Variants in MEI1 observed in about 807,000 individuals in gnomAD.
MEI1 encodes meiosis inhibitor protein 1.
MEI1 carries 103 observed loss-of-function variants against 146.2 expected under a neutral mutation model. That is an observed-to-expected ratio of 0.70 (90% CI 0.60 to 0.83). The LOEUF is 0.83. Ranked by LOEUF, MEI1 falls within the 40% of genes least tolerant of loss-of-function variation. The probability of loss-of-function intolerance (pLI) is 0.00; values close to 1 mark genes in which losing one functional copy is unlikely to be tolerated. For synonymous variants in MEI1, 652 were observed against 628.2 expected, an observed-to-expected ratio of 1.04 and a Z score of -0.57; for missense variants, 1,529 against 1,533.0, an observed-to-expected ratio of 1.00 and a Z score of 0.04.
In MEI1 at chr22:41,758,444, G is replaced by C. The variant is rs752945538; in HGVS notation, c.2031G>C (p.Leu677=). The C allele has an allele frequency of 6.2e-7, 1 of 1,613,830 alleles. No individual in the cohort carries two copies. Among genetic ancestry groups the C allele is most frequent in the Non-Finnish European group, 8.5e-7 (1 of 1,179,886 alleles). Residue 677 remains leucine, a synonymous_variant, in exon 18 of 31, where the codon CTG becomes CTC. Coordinates refer to ENST00000401548, the MANE Select transcript of MEI1 (RefSeq NM_152513.4). Reference sequence around the variant, plus strand: ...GGAGCCCTGAAAGCCTTGCCTTCCTGTCTGATCGCCAGTACATGGAGGGAG... The same window carrying C: ...GGAGCCCTGAAAGCCTTGCCTTCCTCTCTGATCGCCAGTACATGGAGGGAG... The part of the protein sequence containing the change: ...SSRSPESLAF[L]SDRQYMEGAA...
At chr22:41,768,292 G>C (rs1459371435) in intron 19 of MEI1, among the ~76,000 whole-genome samples, 1 of 151,620 alleles carries the variant, frequency 6.6e-6, no homozygotes, top group Non-Finnish European at 1.5e-5. Context: ...TGAGGCAGGA[G>C]AATTGCTTGA....
intron 22 of MEI1, among the ~76,000 whole-genome samples, chr22:41,780,452 A>G (rs1421293278): frequency 2.6e-5 from 4 of 152,096 alleles, no homozygotes; most frequent in East Asian, 1.9e-4. Flanking sequence ...GATATGTTCT[A>G]TAGATATCTA....
intron 24 of MEI1, among the ~76,000 whole-genome samples, chr22:41,783,547 A>G (rs1268907910): frequency 6.6e-6 from 1 of 152,044 alleles, no homozygotes; most frequent in Admixed American, 6.6e-5. Flanking sequence ...CCACCTCAGC[A>G]TCCCGAAGTG....
Position 41,717,840 on chromosome 22 carries a change from T to A in MEI1, c.530-231T>A, listed in dbSNP as rs555751208. Among the ~76,000 whole-genome samples, 10 of 152,256 alleles carry A rather than the reference T, an allele frequency of 6.6e-5. No individual in the cohort carries two copies. The South Asian group carries it at 2.1e-3, about 32-fold the overall frequency. On this transcript the variant is annotated intron_variant, in intron 5 of 30. Coordinates refer to ENST00000401548, the MANE Select transcript of MEI1 (RefSeq NM_152513.4). ...CTTGTTGGCCAGGCTGGTCTCGAAC[T>A]CCTGACCTTAGGTGATCCTTCTGCC... is the stretch of plus-strand genomic sequence containing the variant.
Position 41,758,569 on chromosome 22 carries a change from T to A in MEI1, c.2120+36T>A, listed in dbSNP as rs760890307. The A allele has an allele frequency of 3.5e-5, 55 of 1,585,412 alleles. No homozygotes were observed. In the Middle Eastern group the frequency reaches 5.4e-4, roughly 16 times the overall value. On this transcript the variant is annotated intron_variant, in intron 18 of 30. Transcript: ENST00000401548. ...AGAGGTGGGTGGCTGGTGGTGGGTCTTGGGACCTTCATCAGCAGTTCAGTT... is the reference window on the plus strand; with the variant it reads ...AGAGGTGGGTGGCTGGTGGTGGGTCATGGGACCTTCATCAGCAGTTCAGTT...
At chr22:41,794,926 A>G (rs918784492) in intron 28 of MEI1, among the ~76,000 whole-genome samples, 1 of 152,240 alleles carries the variant, frequency 6.6e-6, no homozygotes. Context: ...CCTAAGAATG[A>G]CAGCGAAGTG....
At chr22:41,759,940 G>A (rs112743110) in intron 18 of MEI1, among the ~76,000 whole-genome samples, 10,105 of 152,156 alleles carry the variant, frequency 0.066, 1,077 homozygotes, top group African/African-American at 0.23. Context: ...TTGGGAGGCC[G>A]AGGCGGGTGG....
intron 2 of MEI1, among the ~76,000 whole-genome samples, chr22:41,704,194 T>G (rs1052610475): frequency 3.3e-5 from 5 of 152,206 alleles, no homozygotes; most frequent in Non-Finnish European, 7.3e-5. Flanking sequence ...ATGAGCCCTT[T>G]CAGGGAGGAA....
At chr22:41,705,407 G>C in intron 2 of MEI1, 97 bp from the exon 3 acceptor site, 1 of 995,418 alleles carries the variant, frequency 1.0e-6, no homozygotes, top group South Asian at 1.3e-5. Context: ...CCTGACCTCA[G>C]GTAATCTGCC....
chr22:41,792,348 G>A (rs557610119), intron 26 of MEI1, among the ~76,000 whole-genome samples: 8 of 152,300 alleles, frequency 5.3e-5, no homozygotes, highest in African/African-American at 1.9e-4. Flanking sequence ...GGAAGGTACA[G>A]TATCTAGAGT....
intron 26 of MEI1, among the ~76,000 whole-genome samples, chr22:41,789,926 T>C (rs2076117378): frequency 6.6e-6 from 1 of 152,148 alleles, no homozygotes; most frequent in Non-Finnish European, 1.5e-5. Flanking sequence ...CAAGTAGGCT[T>C]TTCCTCTTTT....
chr22:41,770,144 A>C (rs2075092761), intron 19 of MEI1, among the ~76,000 whole-genome samples: 2 of 151,898 alleles, frequency 1.3e-5, no homozygotes, highest in South Asian at 2.1e-4. Flanking sequence ...CAGAAAAAAA[A>C]AAAGAAATTA....
intron 14 of MEI1, 133 bp from the exon 15 acceptor site, chr22:41,747,974 C>G: frequency 1.5e-6 from 1 of 652,696 alleles, no homozygotes; most frequent in Non-Finnish European, 2.8e-6. Context: ...TAGGTTTGGA[C>G]TTTAAGTTCC....
intron 26 of MEI1, among the ~76,000 whole-genome samples, chr22:41,792,997 C>T (rs1021683080): frequency 2.8e-5 from 4 of 144,480 alleles, no homozygotes; most frequent in Admixed American, 7.1e-5. Flanking sequence ...TTTAGTGTGG[C>T]CCAGGGTCCA....
intron 7 of MEI1, 89 bp downstream of exon 7, chr22:41,724,162 C>G (rs2071111407): frequency 2.0e-6 from 3 of 1,484,788 alleles, no homozygotes; most frequent in African/African-American, 1.4e-5. Flanking sequence ...CCACTCCTAT[C>G]TCAGATTTCC....
At position 41,784,353 on chromosome 22, in the gene MEI1, C is replaced by T. The variant is rs765033295; in HGVS notation, c.3102C>T (p.Leu1034=). The T allele has an allele frequency of 1.9e-6, 3 of 1,613,902 alleles. No homozygotes were observed. The highest frequency in any genetic ancestry group is 2.2e-5 in the East Asian group (1 of 44,884). Reference sequence around the variant, plus strand: ...TGCCCTGCCAGGTTCACCAGACACTCTCTGTGGAAATGGACCAAGTATTGA... The same window carrying T: ...TGCCCTGCCAGGTTCACCAGACACTTTCTGTGGAAATGGACCAAGTATTGA... ...HKGSLQVHQT[L]SVEMDQVLKA... Residue 1034 remains leucine (L), a synonymous_variant, in exon 25 of 31, where the codon CTC becomes CTT. Transcript: ENST00000401548.
Position 41,791,475 on chromosome 22 carries a change from G to A in MEI1, c.3346-2354G>A, listed in dbSNP as rs144953221. Among the ~76,000 whole-genome samples the A allele has an allele frequency of 3.1e-4, 47 of 152,306 alleles. 1 individual carries two copies. In the East Asian group the frequency reaches 7.9e-3, roughly 26 times the overall value. ...TGAGCTGCAGCCTGGGTGACAGAGT[G>A]AGACCTGTCTCAAAAGAAAAAAAGC... On this transcript the variant is annotated intron_variant, in intron 26 of 30. Coordinates refer to ENST00000401548, the MANE Select transcript of MEI1 (RefSeq NM_152513.4).
At chr22:41,699,805 C>T in intron 1 of MEI1, 93 bp downstream of exon 1, 1 of 1,410,772 alleles carries the variant, frequency 7.1e-7, no homozygotes, top group Non-Finnish European at 9.4e-7. Context: ...TCCGGTGAAC[C>T]CGACGCGAAA....
At chr22:41,768,592 A>G (rs1379003090) in intron 19 of MEI1, among the ~76,000 whole-genome samples, 1 of 152,214 alleles carries the variant, frequency 6.6e-6, no homozygotes, top group African/African-American at 2.4e-5. Flanking sequence ...GCTATACAGG[A>G]AGCATGGCTG....
Sources: gnomAD v4.1 joint callset for allele counts (sites outside exome capture counted in the v4.1 genomes callset) on GRCh38, gnomAD v4.1.1 for gene constraint, MANE v1.5 for transcripts, NCBI Gene and HGNC (gene_info 2026-07-23, HGNC 2026-07-21) for gene names.